ABCC10: variants seen among roughly 807,000 people sequenced by gnomAD.
ABCC10 encodes ATP-binding cassette sub-family C member 10.
A neutral mutation model predicts 143.2 loss-of-function variants in ABCC10; 110 were observed. The observed-to-expected ratio is 0.77, with a 90% CI of 0.66 to 0.90. The LOEUF is 0.90. Among genes scored for constraint, ABCC10 ranks in the 40% least tolerant of loss-of-function variants. The pLI is 0.00. For missense variants in ABCC10, 1,700 were observed against 1,900.5 expected, an observed-to-expected ratio of 0.89 and a Z score of 1.96; for synonymous variants, 805 against 846.7, an observed-to-expected ratio of 0.95 and a Z score of 0.85.
intron 2 of ABCC10, among the ~76,000 whole-genome samples, chr6:43,429,371 CTTGTGTGTGTGTGTGTGTGTGT>C (rs1780867873): frequency 2.5e-5 from 2 of 79,526 alleles, no homozygotes; most frequent in Non-Finnish European, 4.3e-5. Flanking sequence ...TCTTTTCTTT[CTTGTGTGTGTGTGTGTGTGTGT>C]GTGTGTGTGT....
In ABCC10 at chr6:43,438,797, T is replaced by G; in HGVS notation, c.2127+2T>G. 1.2e-6 allele frequency: 2 copies of G among 1,613,920 alleles called. No homozygotes were observed. On this transcript the variant is annotated splice_donor_variant, in intron 8 of 21. Coordinates refer to ENST00000372530, the MANE Select transcript of ABCC10 (RefSeq NM_001198934.2). LOFTEE classifies it high-confidence loss of function. Reference sequence around the variant, plus strand: ...TGCGCCCTCAATGATGACCTCAGTGTGAGTGCCTGGCCTTGAAACCTCTTA... The same window carrying G: ...TGCGCCCTCAATGATGACCTCAGTGGGAGTGCCTGGCCTTGAAACCTCTTA...
intron 8 of ABCC10, among the ~76,000 whole-genome samples, chr6:43,439,854 T>C (rs186839676): frequency 6.6e-6 from 1 of 152,212 alleles, no homozygotes; most frequent in East Asian, 1.9e-4. Flanking sequence ...GGTGCTGGGA[T>C]TACAGGCGTG....
Position 43,444,853 on chromosome 6 carries a change from T to C in ABCC10, c.2755T>C (p.Ser919Pro). The C allele has an allele frequency of 6.2e-7, 1 of 1,613,938 alleles. No individual in the cohort carries two copies. ...WISQLKAENSSQEAQPSTSPA... is the reference protein window; with the variant it reads ...WISQLKAENSPQEAQPSTSPA... ...CTCTCAGCTGAAGGCTGAGAATAGC[T>C]CCCAGGAGGCGCAACCCTCCACCAG... The change falls in exon 13 of 22, where the codon TCC becomes CCC. Residue 919 changes from serine to proline, a missense_variant. Physicochemically the swap from Ser to Pro is moderately conservative, Grantham distance 74 (BLOSUM62 -1). Coordinates refer to ENST00000372530, the MANE Select transcript of ABCC10 (RefSeq NM_001198934.2).
At chr6:43,447,126 G>T in intron 16 of ABCC10, 122 bp from the exon 17 acceptor site, 1 of 1,306,562 alleles carries the variant, frequency 7.7e-7, no homozygotes, top group Non-Finnish European at 1.0e-6. Context: ...AATTACAGGC[G>T]TGAGCCACCG....
At position 43,428,154 on chromosome 6, in the gene ABCC10, G is replaced by T; in HGVS notation, c.161+15G>T. 6.6e-7 allele frequency: 1 copy of T among 1,516,662 alleles called. No individual in the cohort carries two copies. The allele number at this position is 1,516,662 out of a possible 1,614,324, so 94.0% of individuals were successfully genotyped here. Reference sequence around the variant, plus strand: ...GGCACCCCGAGGTGGGTAGAGACGGGCGCAAGGCATCTGTCCATGTGTGCC... The same window carrying T: ...GGCACCCCGAGGTGGGTAGAGACGGTCGCAAGGCATCTGTCCATGTGTGCC... On this transcript the variant is annotated intron_variant, in intron 2 of 21. Coordinates refer to ENST00000372530, the MANE Select transcript of ABCC10 (RefSeq NM_001198934.2).
At chr6:43,445,079 A>G (rs1484199046) in intron 13 of ABCC10, 46 bp from the exon 14 acceptor site, 15 of 1,602,142 alleles carry the variant, frequency 9.4e-6, no homozygotes, top group African/African-American at 1.3e-5. Flanking sequence ...AGGACCCCCG[A>G]GTGGCCCTAG....
At chr6:43,444,737 G>A (rs1405612613) in intron 12 of ABCC10, 51 bp from the exon 13 acceptor site, 4 of 1,533,660 alleles carry the variant, frequency 2.6e-6, no homozygotes, top group Admixed American at 2.1e-5. Context: ...GGAATAGAAT[G>A]AACAAGGGAG....
intron 4 of ABCC10, chr6:43,435,244 C>G (rs535341925): frequency 1.9e-4 from 35 of 188,928 alleles, no homozygotes; most frequent in African/African-American, 7.5e-4. Context: ...TAAAAAGATG[C>G]AACCTTGGCC....
rs746740564 is a variant in ABCC10 at position 43,438,613 on chromosome 6, GCT to G, written c.1956-6_1956-5del. The G allele has an allele frequency of 2.5e-6, 4 of 1,612,884 alleles. No homozygotes were observed. The highest frequency in any genetic ancestry group is 2.5e-6 in the Non-Finnish European group (3 of 1,179,752). On this transcript the variant is annotated splice_polypyrimidine_tract_variant and intron_variant, in intron 7 of 21. Coordinates refer to ENST00000372530, the MANE Select transcript of ABCC10 (RefSeq NM_001198934.2). Reference sequence around the variant, plus strand: ...AGCTGGTCCTCATATTGCTCGCCTGGCTCTCTGCAGGCTGCGTGGGCATGTGG... The same window carrying G: ...AGCTGGTCCTCATATTGCTCGCCTGGCTCTGCAGGCTGCGTGGGCATGTGG...
In ABCC10 at chr6:43,433,106, C is replaced by T. The variant is rs780144580; in HGVS notation, c.1126C>T (p.Pro376Ser). 1.2e-6 allele frequency: 2 copies of T among 1,614,028 alleles called. No homozygotes were observed. Among genetic ancestry groups the T allele is most frequent in the East Asian group, 2.2e-5 (1 of 44,892 alleles). The change falls in exon 3 of 22, where the codon CCT (proline) becomes TCT (serine). Residue 376 changes from proline to serine, a missense_variant. Transcript: ENST00000372530. Reference protein sequence around the residue: ...KALQLGPSRPPTGEALNLLGT... With the variant: ...KALQLGPSRPSTGEALNLLGT... ...TTTACAGCTGGGGCCCAGCCGCCCT[C>T]CTACTGGGGAGGCCCTGAACCTACT... is the stretch of plus-strand genomic sequence containing the variant.
downstream of ABCC10, chr6:43,451,049 A>G (rs200369085): frequency 8.1e-6 from 13 of 1,614,242 alleles, no homozygotes; most frequent in African/African-American, 1.5e-4. The surrounding 1 kb of genome is among the most constrained non-coding windows in gnomAD (Gnocchi z 4.4). Flanking sequence ...TGGCACAGTC[A>G]TCCAGGTTGA....
rs200276315 is a variant in ABCC10, at chr6:43,432,937, A to T, written c.957A>T (p.Pro319=). 9.7e-5 allele frequency: 157 copies of T among 1,614,172 alleles called. No homozygotes were observed. Among genetic ancestry groups the T allele is most frequent in the Non-Finnish European group, 1.3e-4 (148 of 1,180,016 alleles). ...GCTTCCTGGAAGAGGGGCAGGAGCC[A>T]CTAAGCCACGGCCTGCTCTATGCTC... The part of the protein sequence containing the change: ...LVGFLEEGQE[P]LSHGLLYALG... The change falls in exon 3 of 22, where the codon CCA becomes CCT. Residue 319 remains proline (P), a synonymous_variant. Coordinates refer to ENST00000372530, the MANE Select transcript of ABCC10 (RefSeq NM_001198934.2).
intron 3 of ABCC10, 154 bp from the exon 4 acceptor site, chr6:43,434,467 C>T: frequency 1.4e-6 from 1 of 698,720 alleles, no homozygotes; most frequent in Non-Finnish European, 2.4e-6. Flanking sequence ...CCAGAAAGTA[C>T]TGAGGTGAGG....
Position 43,443,720 on chromosome 6 carries a change from G to A in ABCC10, c.2417-213G>A. On this transcript the variant is annotated intron_variant, in intron 10 of 21. Coordinates refer to ENST00000372530, the MANE Select transcript of ABCC10 (RefSeq NM_001198934.2). The surrounding 1 kb of genome is among the most constrained non-coding windows in gnomAD (Gnocchi z 4.2). Reference sequence around the variant, plus strand: ...GTCGGAATCAAGGTTTACAAGGATGGACTTGAGTCCTGCTCGAGGTCTAGG... The same window carrying A: ...GTCGGAATCAAGGTTTACAAGGATGAACTTGAGTCCTGCTCGAGGTCTAGG... The A allele has an allele frequency of 1.8e-6, 1 of 547,854 alleles. No homozygotes were observed. Among genetic ancestry groups the A allele is most frequent in the Non-Finnish European group, 3.3e-6 (1 of 304,010 alleles). 33.9% of individuals were successfully genotyped at this position (547,854 alleles called of 1,614,324 possible).
rs1782501852 is a variant in ABCC10 at position 43,441,803 on chromosome 6, G to A, written c.2128-59G>A. On this transcript the variant is annotated intron_variant, in intron 8 of 21. Transcript: ENST00000372530. ...TCCCACTATCTCCTGCAAAGGGATA[G>A]GAAGTGGGCCAGAAGGTAATGGGAG... is the stretch of plus-strand genomic sequence containing the variant. 3 of 1,410,808 alleles carry A rather than the reference G, an allele frequency of 2.1e-6. No individual in the cohort carries two copies. In the South Asian group the frequency reaches 3.6e-5, roughly 17 times the overall value. The allele number at this position is 1,410,808 out of a possible 1,614,324, so 87.4% of individuals were successfully genotyped here. A position where few individuals can be genotyped will look rare whatever the true frequency, so the allele number is the denominator to read the frequency against.
At chr6:43,449,582 C>A in intron 21 of ABCC10, 48 bp downstream of exon 21, 1 of 1,497,034 alleles carries the variant, frequency 6.7e-7, no homozygotes, top group Non-Finnish European at 9.2e-7. Context: ...TGGTAGCATG[C>A]ACCGAGAGCC....
downstream of ABCC10, chr6:43,451,888 A>G (rs371287743): frequency 3.4e-4 from 543 of 1,606,658 alleles, no homozygotes; most frequent in African/African-American, 6.6e-3. The surrounding 1 kb of genome is among the most constrained non-coding windows in gnomAD (Gnocchi z 4.4). Flanking sequence ...TTCTCATCCC[A>G]TCACCAGGTT....
Position 43,443,126 on chromosome 6 carries a change from C to A in ABCC10, c.2383C>A (p.Leu795Met). ...TEYLERADAVLLMEAGRLIRA... is the reference protein window; with the variant it reads ...TEYLERADAVMLMEAGRLIRA... ...GTACCTGGAGAGGGCTGACGCGGTG[C>A]TGCTGATGGAGGCCGGGCGCCTCAT... Residue 795 changes from leucine (L) to methionine (M), a missense_variant, in exon 10 of 22, where the codon CTG becomes ATG. By Grantham distance (15) the Leu-to-Met change is conservative. Coordinates refer to ENST00000372530, the MANE Select transcript of ABCC10 (RefSeq NM_001198934.2). This position sits in a 1 kb window ranked among gnomAD's most constrained non-coding sequence, Gnocchi z 4.2. 6.2e-7 allele frequency: 1 copy of A among 1,608,428 alleles called. No homozygotes were observed. Among genetic ancestry groups the A allele is most frequent in the Non-Finnish European group, 8.5e-7 (1 of 1,179,368 alleles).
Position 43,433,236 on chromosome 6 carries a change from T to C in ABCC10, c.1256T>C (p.Val419Ala), listed in dbSNP as rs757954695. The change falls in exon 3 of 22, where the codon GTA (valine) becomes GCA (alanine). Residue 419 changes from valine (V) to alanine (A), a missense_variant. By Grantham distance (64) the Val-to-Ala change is moderately conservative. Coordinates refer to ENST00000372530, the MANE Select transcript of ABCC10 (RefSeq NM_001198934.2). ...AITLYLLYQQ[V>A]GVAFVGGLIL... ...ACCCTCTACCTGCTGTACCAGCAGG[T>C]AGGCGTGGCCTTCGTGGGTGGTCTC... 3.3e-5 allele frequency: 54 copies of C among 1,614,068 alleles called. No homozygotes were observed. The highest frequency in any genetic ancestry group is 4.3e-5 in the Non-Finnish European group (51 of 1,180,008).
Sources: allele counts gnomAD v4.1 joint callset (sites outside exome capture counted in the v4.1 genomes callset), GRCh38; gene constraint gnomAD v4.1.1; non-coding constraint Gnocchi (gnomAD v3.1); transcripts MANE v1.5; gene names NCBI Gene and HGNC (gene_info 2026-07-23, HGNC 2026-07-21).